CCND3: variants seen among roughly 807,000 people sequenced by gnomAD.
CCND3 encodes cyclin D3.
A neutral mutation model predicts 28.7 loss-of-function variants in CCND3; 9 were observed. The ratio of observed to expected loss-of-function variants is 0.31; its 90% CI spans 0.19 to 0.55. CCND3 has a LOEUF of 0.55. Ranked by LOEUF, CCND3 falls within the 20% of genes least tolerant of loss-of-function variation. The pLI is 0.93. For missense variants in CCND3, 315 were observed against 385.8 expected, an observed-to-expected ratio of 0.82 and a Z score of 1.54; for synonymous variants, 164 against 163.9, an observed-to-expected ratio of 1.00 and a Z score of 0.00.
chr6:42,002,204 G>A (rs1409411165), intron 1 of CCND3, among the ~76,000 whole-genome samples: 4 of 151,808 alleles, frequency 2.6e-5, no homozygotes, highest in East Asian at 3.9e-4. Context: ...ACAGCACTTT[G>A]GGAGGCCGAG....
At chr6:42,035,645 G>A (rs1194761362) in intron 1 of CCND3, among the ~76,000 whole-genome samples, 1 of 149,254 alleles carries the variant, frequency 6.7e-6, no homozygotes, top group Admixed American at 6.7e-5. Flanking sequence ...AGGATTACAG[G>A]TGTTAGCCAC....
At chr6:42,033,654 C>A (rs1262293254) in intron 1 of CCND3, among the ~76,000 whole-genome samples, 1 of 151,504 alleles carries the variant, frequency 6.6e-6, no homozygotes, top group Non-Finnish European at 1.5e-5. Flanking sequence ...ACGAGACCAG[C>A]CTGACCAACA....
intron 1 of CCND3, among the ~76,000 whole-genome samples, chr6:41,989,861 A>T (rs545800945): frequency 2.6e-5 from 4 of 152,326 alleles, no homozygotes; most frequent in African/African-American, 9.6e-5. Flanking sequence ...CGTGCACACA[A>T]AAACCTGCAC....
chr6:42,044,783 T>TTTTATTTCTTTATTTA (rs1764482589), intron 1 of CCND3, among the ~76,000 whole-genome samples: 1 of 143,032 alleles, frequency 7.0e-6, no homozygotes, highest in African/African-American at 2.6e-5. Context: ...CTTTCTTTCC[T>TTTTATTTCTTTATTTA]TTTATTTATT....
intron 1 of CCND3, among the ~76,000 whole-genome samples, chr6:42,043,809 A>G (rs1215098234): frequency 6.6e-6 from 1 of 152,204 alleles, no homozygotes; most frequent in Non-Finnish European, 1.5e-5. Context: ...GATCTGGGCC[A>G]ACGACGGAGG....
intron 1 of CCND3, among the ~76,000 whole-genome samples, chr6:42,011,259 A>G (rs933569321): frequency 1.3e-5 from 2 of 152,184 alleles, no homozygotes; most frequent in African/African-American, 4.8e-5. Context: ...CTAGGACCAC[A>G]GCAAGTACCT....
intron 1 of CCND3, among the ~76,000 whole-genome samples, chr6:41,976,422 T>C (rs1762188389): frequency 6.6e-6 from 1 of 151,886 alleles, no homozygotes; most frequent in Non-Finnish European, 1.5e-5. Flanking sequence ...GGGCTTGAGA[T>C]AGGAGGATGG....
At chr6:41,956,895 G>T (rs960004589) in intron 1 of CCND3, among the ~76,000 whole-genome samples, 2 of 152,140 alleles carry the variant, frequency 1.3e-5, no homozygotes, top group African/African-American at 4.8e-5. Context: ...GCCGGGCGTG[G>T]TGGCAGGCGC....
chr6:41,963,080 C>T (rs960558817), intron 1 of CCND3, among the ~76,000 whole-genome samples: 1 of 152,206 alleles, frequency 6.6e-6, no homozygotes, highest in Non-Finnish European at 1.5e-5. Flanking sequence ...GCTGCCATGA[C>T]ATGACCTAAA....
At chr6:41,988,651 C>A (rs906599724) in intron 1 of CCND3, among the ~76,000 whole-genome samples, 3 of 151,536 alleles carry the variant, frequency 2.0e-5, no homozygotes, top group Non-Finnish European at 4.4e-5. Context: ...AGATATAATG[C>A]CAAAGGCATG....
Position 41,987,065 on chromosome 6 carries a change from C to T in CCND3, c.-45-46480G>A, listed in dbSNP as rs142581936. Among the ~76,000 whole-genome samples, 323 of 151,756 alleles carry T rather than the reference C, an allele frequency of 2.1e-3. 2 individuals are homozygous for T. The highest frequency in any genetic ancestry group is 7.3e-3 in the African/African-American group (301 of 41,216). ...TTCTGTGTAAATTCCTAATGTATGC[C>T]AGAACATGTCAATATCCTGTAAACC... is the stretch of plus-strand genomic sequence containing the variant. On this transcript the variant is annotated intron_variant, in intron 1 of 4. Coordinates refer to the CCND3 transcript ENST00000372988.
rs202142727 is a variant in CCND3, at chr6:42,028,965, G to T, written c.-46+19536C>A. Among the ~76,000 whole-genome samples, 330 of 142,052 alleles carry T rather than the reference G, an allele frequency of 2.3e-3. 9 individuals carry two copies. The East Asian group carries it at 0.062, about 27-fold the overall frequency. The allele number at this position is 142,052 out of a possible 152,430, so 93.2% of individuals were successfully genotyped here. ...GTTAATGCTCTGTCACCACCACCTTGAAACGGTTTTTTTTTTTTTTTCCTA... is the reference window on the plus strand; with the variant it reads ...GTTAATGCTCTGTCACCACCACCTTTAAACGGTTTTTTTTTTTTTTTCCTA... On this transcript the variant is annotated intron_variant, in intron 1 of 4. Coordinates refer to the CCND3 transcript ENST00000372988.
chr6:42,013,370 C>T (rs1346162596), intron 1 of CCND3, among the ~76,000 whole-genome samples: 1 of 152,120 alleles, frequency 6.6e-6, no homozygotes, highest in East Asian at 1.9e-4. Context: ...TATGAGACAT[C>T]CCATTGTATG....
At chr6:41,970,294 G>A (rs928605641) in intron 1 of CCND3, among the ~76,000 whole-genome samples, 22 of 151,996 alleles carry the variant, frequency 1.4e-4, no homozygotes, top group African/African-American at 5.3e-4. Context: ...AGCCAAGATC[G>A]CGCCACTGCA....
intron 1 of CCND3, among the ~76,000 whole-genome samples, chr6:41,985,384 G>C (rs1195815481): frequency 1.5e-5 from 2 of 131,814 alleles, no homozygotes; most frequent in Non-Finnish European, 3.1e-5. Flanking sequence ...CTTGATCTCA[G>C]CTCACTGCAA....
intron 1 of CCND3, among the ~76,000 whole-genome samples, chr6:42,036,431 A>G (rs1237807446): frequency 2.7e-5 from 1 of 37,464 alleles, no homozygotes; most frequent in African/African-American, 1.1e-4. Context: ...TTTTTTTGAC[A>G]CAGGGTCTCC....
chr6:42,006,674 T>A (rs879461435), intron 1 of CCND3, among the ~76,000 whole-genome samples: 2 of 152,142 alleles, frequency 1.3e-5, no homozygotes, highest in African/African-American at 4.8e-5. Flanking sequence ...TTTGGGAGGC[T>A]GAGGCGGGTG....
chr6:42,006,895 A>G (rs4714545), intron 1 of CCND3, among the ~76,000 whole-genome samples: 149,565 of 149,976 alleles, frequency 1, 74,579 homozygotes, highest in Middle Eastern at 1. Flanking sequence ...GTGACAGAGC[A>G]AGACTCTGTC....
chr6:42,043,178 G>A (rs982722828), intron 1 of CCND3, among the ~76,000 whole-genome samples: 1 of 152,226 alleles, frequency 6.6e-6, no homozygotes, highest in Admixed American at 6.5e-5. Flanking sequence ...AGGACTGCTT[G>A]GGTCCAGGAG....
Sources: gnomAD v4.1 joint callset for allele counts (sites outside exome capture counted in the v4.1 genomes callset) on GRCh38, gnomAD v4.1.1 for gene constraint, MANE v1.5 for transcripts, NCBI Gene and HGNC (gene_info 2026-07-23, HGNC 2026-07-21) for gene names.